The following KAT14 variants were observed in gnomAD, a reference collection of about 807,000 sequenced individuals.
The protein encoded by KAT14 is cysteine-rich protein 2-binding protein.
A neutral mutation model predicts 78.4 loss-of-function variants in KAT14; 66 were observed. The observed-to-expected ratio is 0.84, with a 90% CI of 0.69 to 1.03. The LOEUF (loss-of-function observed/expected upper bound fraction) is 1.03. KAT14 is among the 50% of genes least tolerant of loss of function. The pLI, the probability that KAT14 is intolerant of heterozygous loss-of-function variation, is 0.00. For synonymous variants in KAT14, 344 were observed against 359.4 expected, an observed-to-expected ratio of 0.96 and a Z score of 0.48; for missense variants, 870 against 972.5, an observed-to-expected ratio of 0.89 and a Z score of 1.40.
chr20:18,161,617 C>G (rs2038424705), intron 5 of KAT14, among the ~76,000 whole-genome samples: 1 of 152,128 alleles, frequency 6.6e-6, no homozygotes, highest in African/African-American at 2.4e-5. Flanking sequence ...ACTCCAAAAT[C>G]TGAAACTTTT....
At chr20:18,158,934 A>G in intron 4 of KAT14, 150 bp from the exon 5 acceptor site, 1 of 952,812 alleles carries the variant, frequency 1.0e-6, no homozygotes, top group Non-Finnish European at 1.5e-6. Flanking sequence ...GGCGAACTCC[A>G]GAGCCTCTCT....
intron 10 of KAT14, among the ~76,000 whole-genome samples, chr20:18,186,507 G>A (rs2039458428): frequency 6.6e-6 from 1 of 152,200 alleles, no homozygotes; most frequent in African/African-American, 2.4e-5. Flanking sequence ...TTAGAGGCCT[G>A]AGAGAACCAT....
chr20:18,139,151 G>A lies in KAT14; in HGVS notation c.-454+1100G>A, dbSNP rs989907893. Reference sequence around the variant, plus strand: ...ATTAGAAGAGAGGAAGCATGTGATGGTACAAGAATTTTGACGAGGGGTTGA... The same window carrying A: ...ATTAGAAGAGAGGAAGCATGTGATGATACAAGAATTTTGACGAGGGGTTGA... On this transcript the variant is annotated intron_variant, in intron 1 of 10. Transcript: ENST00000688188. Among the ~76,000 whole-genome samples the A allele has an allele frequency of 3.9e-5, 6 of 152,312 alleles. No individual in the cohort carries two copies. The East Asian group carries it at 1.2e-3, about 29-fold the overall frequency.
At chr20:18,161,692 G>C in intron 5 of KAT14, 131 bp from the exon 6 acceptor site, 1 of 1,289,400 alleles carries the variant, frequency 7.8e-7, no homozygotes, top group Non-Finnish European at 1.0e-6. Flanking sequence ...GTATTTCTGG[G>C]TTTGGGATAC....
chr20:18,154,543 C>T (rs907953509), intron 4 of KAT14, among the ~76,000 whole-genome samples: 1 of 152,166 alleles, frequency 6.6e-6, no homozygotes, highest in African/African-American at 2.4e-5. Context: ...CTCCAGAGTC[C>T]CAAAATAGTT....
chr20:18,187,709 T>C lies in KAT14; in HGVS notation c.*250T>C, dbSNP rs8517. On this transcript the variant is annotated 3_prime_UTR_variant, in exon 11 of 11. Transcript: ENST00000688188. ...CCCAGACTCCACAGTTATTTATGAA[T>C]GATGTCGTGATTCTCCCTCCACCTG... 0.45 allele frequency: 214,826 copies of C among 482,618 alleles called. 50,621 individuals are homozygous for C. Among genetic ancestry groups the C allele is most frequent in the Non-Finnish European group, 0.5 (138,763 of 279,622 alleles). 29.9% of individuals were successfully genotyped at this position (482,618 alleles called of 1,614,324 possible).
chr20:18,161,198 G>A (rs6081012), intron 5 of KAT14, among the ~76,000 whole-genome samples: 1 of 149,798 alleles, frequency 6.7e-6, no homozygotes, highest in Non-Finnish European at 1.5e-5. Flanking sequence ...AGTACCCATT[G>A]AAATGCCCAT....
intron 7 of KAT14, among the ~76,000 whole-genome samples, chr20:18,175,395 G>A (rs1042393470): frequency 2.0e-5 from 3 of 152,124 alleles, no homozygotes; most frequent in African/African-American, 7.2e-5. Flanking sequence ...CCAGAGAAGT[G>A]CTCGGGGGAG....
chr20:18,145,655 C>T (rs1246803501), intron 3 of KAT14, among the ~76,000 whole-genome samples: 1 of 152,060 alleles, frequency 6.6e-6, no homozygotes, highest in Non-Finnish European at 1.5e-5. Flanking sequence ...GTGGTGGGCC[C>T]CTGTAATCCC....
rs367887845 is a variant in KAT14 at position 18,183,264 on chromosome 20, G to A, written c.1947G>A (p.Thr649=). ...ATGTGCGGCCAAATCACATCCCAAC[G>A]ATCAACTCCATGTGTCAGGAGTTTT... ...YCYVRPNHIP[T]INSMCQEFFW... Residue 649 remains threonine (T), a synonymous_variant, in exon 9 of 11, where the codon ACG becomes ACA. Transcript: ENST00000688188. The A allele has an allele frequency of 3.0e-5, 48 of 1,613,732 alleles. No individual in the cohort carries two copies. Among genetic ancestry groups the A allele is most frequent in the Non-Finnish European group, 3.7e-5 (44 of 1,179,948 alleles).
intron 7 of KAT14, among the ~76,000 whole-genome samples, chr20:18,172,401 C>CTT (rs34582219): frequency 1.8e-4 from 23 of 129,398 alleles, no homozygotes; most frequent in South Asian, 2.5e-4. Context: ...CGCCTGGCCA[C>CTT]TTTTTTTTTT....
chr20:18,162,018 T>G lies in KAT14; in HGVS notation c.878T>G (p.Ile293Arg). 1.9e-6 allele frequency: 3 copies of G among 1,614,264 alleles called. No individual in the cohort carries two copies. The highest frequency in any genetic ancestry group is 2.5e-6 in the Non-Finnish European group (3 of 1,180,056). The change falls in exon 6 of 11, where the codon ATA becomes AGA. Residue 293 changes from isoleucine to arginine, a missense_variant. Coordinates refer to ENST00000688188, the MANE Select transcript of KAT14 (RefSeq NM_001392073.1). ...ACATCTTCTACCCCTGTAAAATTCA[T>G]AAGCCGAGGCCGCAGGCCAGATGTG... is the stretch of plus-strand genomic sequence containing the variant. ...RSTSSTPVKF[I>R]SRGRRPDVIL...
intron 7 of KAT14, among the ~76,000 whole-genome samples, chr20:18,172,807 A>G (rs1248262246): frequency 6.6e-6 from 1 of 152,104 alleles, no homozygotes; most frequent in Non-Finnish European, 1.5e-5. Flanking sequence ...TTTTTGTTGA[A>G]AGCCAAAGAT....
intron 3 of KAT14, among the ~76,000 whole-genome samples, chr20:18,146,488 C>T (rs570074107): frequency 1.3e-5 from 2 of 151,934 alleles, no homozygotes; most frequent in African/African-American, 2.4e-5. Context: ...GGAGAAACAC[C>T]GTCTCTACTA....
chr20:18,146,523 GT>G (rs1228848123), intron 3 of KAT14, among the ~76,000 whole-genome samples: 1 of 152,184 alleles, frequency 6.6e-6, no homozygotes, highest in Non-Finnish European at 1.5e-5. Flanking sequence ...GCTGGGTGCG[GT>G]GGCACATGCC....
intron 7 of KAT14, among the ~76,000 whole-genome samples, chr20:18,176,420 C>G (rs73599802): frequency 1.3e-5 from 2 of 151,956 alleles, no homozygotes; most frequent in East Asian, 3.9e-4. Context: ...CTGACATTAA[C>G]TAGCTCACCA....
chr20:18,158,630 G>T (rs1418668213), intron 4 of KAT14, among the ~76,000 whole-genome samples: 1 of 152,170 alleles, frequency 6.6e-6, no homozygotes, highest in African/African-American at 2.4e-5. Flanking sequence ...GTAAAATGAG[G>T]TATTTACTGG....
intron 5 of KAT14, among the ~76,000 whole-genome samples, chr20:18,160,262 A>G (rs2038371055): frequency 6.6e-6 from 1 of 152,196 alleles, no homozygotes; most frequent in Non-Finnish European, 1.5e-5. Context: ...TTAAGGGTGT[A>G]AAGTATGAAA....
chr20:18,185,387 G>A (rs1391270884), intron 10 of KAT14, among the ~76,000 whole-genome samples: 1 of 151,936 alleles, frequency 6.6e-6, no homozygotes, highest in Non-Finnish European at 1.5e-5. Context: ...TTTTTTGTAG[G>A]GACAGGGTCT....
Sources: allele counts gnomAD v4.1 joint callset (sites outside exome capture counted in the v4.1 genomes callset), GRCh38; gene constraint gnomAD v4.1.1; transcripts MANE v1.5; gene names NCBI Gene and HGNC (gene_info 2026-07-23, HGNC 2026-07-21).